Variants in BRD2 observed in about 807,000 individuals in gnomAD.
BRD2 encodes the protein bromodomain-containing protein 2.
BRD2 carries 15 observed loss-of-function variants against 79.1 expected under a neutral mutation model. The observed-to-expected ratio is 0.19, with a 90% CI of 0.13 to 0.29. The LOEUF is 0.29. Ranked by LOEUF, BRD2 falls within the 10% of genes least tolerant of loss-of-function variation. BRD2 has a pLI of 1.00. For synonymous variants in BRD2, 488 were observed against 358.6 expected (o/e 1.36, Z -4.08); for missense variants, 1,053 against 991.3 (o/e 1.06, Z -0.84).
rs534193544 is a variant in BRD2 at position 32,974,447 on chromosome 6, T to G, written c.30-15T>G. 1.3e-4 allele frequency: 200 copies of G among 1,594,068 alleles called. No individual in the cohort carries two copies. In the South Asian group the frequency reaches 2.1e-3, roughly 17 times the overall value. ...TTTGGACGATATTGCCCTAATTTTG[T>G]TCCCATCTTTACAGGCTCCCTGGGG... On this transcript the variant is annotated splice_polypyrimidine_tract_variant and intron_variant, in intron 2 of 12. Transcript: ENST00000374825.
At chr6:32,979,047 G>GTTTGTTT (rs763661490) in intron 10 of BRD2, 1 of 86,820 alleles carries the variant, frequency 1.2e-5, no homozygotes, top group Non-Finnish European at 2.9e-5. Context: ...TTTGTGTTTT[G>GTTTGTTT]TTTTTTTTTG....
At chr6:32,973,015 G>A (rs1778232919) in intron 2 of BRD2, 88 bp downstream of exon 2, 2 of 1,612,954 alleles carry the variant, frequency 1.2e-6, no homozygotes, top group African/African-American at 1.3e-5. Flanking sequence ...GTACTGAGCG[G>A]CCCCGGCGCG....
rs1210953681 is a variant in BRD2 at position 32,978,274 on chromosome 6, C to T, written c.1727C>T (p.Pro576Leu). The change falls in exon 10 of 13, where the codon CCT becomes CTT. Residue 576 changes from proline to leucine, a missense_variant. By Grantham distance (98) the Pro-to-Leu change is moderately conservative. Around this residue, in one of 5 missense-constraint regions of BRD2, gnomAD observed 454 missense variants for 430.5 expected, o/e 1.05. Transcript: ENST00000374825. ...RAGADEDDKG[P>L]RAPRPPQPKK... ...GGGGCCGATGAAGATGACAAGGGGC[C>T]TAGGGCACCCCGCCCACCTCAACCT... 3 of 1,613,020 alleles carry T rather than the reference C, an allele frequency of 1.9e-6. No homozygotes were observed. The highest frequency in any genetic ancestry group is 1.3e-5 in the African/African-American group (1 of 75,008).
chr6:32,973,008 C>T (rs920037101), intron 2 of BRD2, 81 bp downstream of exon 2: 6 of 1,613,208 alleles, frequency 3.7e-6, no homozygotes, highest in Admixed American at 1.7e-5. Context: ...GTTGGGAGTA[C>T]TGAGCGGCCC....
intron 4 of BRD2, 56 bp downstream of exon 4, chr6:32,975,577 T>A: frequency 6.3e-7 from 1 of 1,583,112 alleles, no homozygotes. Flanking sequence ...ACTTCTATTA[T>A]TGCTGGATAT....
chr6:32,978,243 C>T lies in BRD2; in HGVS notation c.1696C>T (p.Arg566Ter), dbSNP rs1779040470. The change falls in exon 10 of 13, where the codon CGA becomes TGA. Residue 566 changes from arginine to a stop codon, truncating the protein, a stop_gained. Transcript: ENST00000374825. LOFTEE classifies it high-confidence loss of function. ...KKRKAEKHRG[R>*]AGADEDDKGP... The stretch of plus-strand genomic sequence containing the variant: ...ACGGAAGGCAGAGAAGCATCGAGGC[C>T]GAGCTGGGGCCGATGAAGATGACAA... The T allele has an allele frequency of 6.2e-7, 1 of 1,612,936 alleles. No homozygotes were observed. Among genetic ancestry groups the T allele is most frequent in the Non-Finnish European group, 8.5e-7 (1 of 1,180,002 alleles).
At chr6:32,975,958 T>G in intron 4 of BRD2, 73 bp from the exon 5 acceptor site, 10 of 1,503,672 alleles carry the variant, frequency 6.7e-6, no homozygotes, top group South Asian at 1.3e-5. Flanking sequence ...TGAATGCCTC[T>G]GAGAAAGATG....
At chr6:32,975,301 T>C in intron 3 of BRD2, 83 bp from the exon 4 acceptor site, 1 of 1,149,140 alleles carries the variant, frequency 8.7e-7, no homozygotes, top group East Asian at 2.6e-5. Flanking sequence ...TGTGTGTGTG[T>C]GTGTGTGTGA....
chr6:32,972,847 G>T lies in BRD2; in HGVS notation c.-52G>T. 6.2e-7 allele frequency: 1 copy of T among 1,613,532 alleles called. No homozygotes were observed. The highest frequency in any genetic ancestry group is 8.5e-7 in the Non-Finnish European group (1 of 1,179,938). On this transcript the variant is annotated 5_prime_UTR_variant, in exon 2 of 13. In the 5' UTR this introduces an upstream ATG that the reference lacks. Transcript: ENST00000374825. Reference sequence around the variant, plus strand: ...TGGACCGGGCGGTGAGGGGAACCGAGGCCACCCGGACTTTCCGCGGCTGAG... The same window carrying T: ...TGGACCGGGCGGTGAGGGGAACCGATGCCACCCGGACTTTCCGCGGCTGAG...
chr6:32,979,818 T>C lies in BRD2; in HGVS notation c.1842-10T>C. On this transcript the variant is annotated splice_polypyrimidine_tract_variant and intron_variant, in intron 10 of 12. Coordinates refer to ENST00000374825, the MANE Select transcript of BRD2 (RefSeq NM_005104.4). ...AAGCTTCTTTTGCTGACAACTCTTT[T>C]TGCCCTTAGGCTCCCCAAAAAGGCC... 1 of 1,605,714 alleles carries C rather than the reference T, an allele frequency of 6.2e-7. No homozygotes were observed. Among genetic ancestry groups the C allele is most frequent in the Non-Finnish European group, 8.5e-7 (1 of 1,176,370 alleles).
In BRD2 at chr6:32,980,903, C is replaced by T. The variant is rs1779463832; in HGVS notation, c.*185C>T. On this transcript the variant is annotated 3_prime_UTR_variant, in exon 13 of 13. Coordinates refer to ENST00000374825, the MANE Select transcript of BRD2 (RefSeq NM_005104.4). ...ACATTTACTGAAGGAGGGACATGGACAAAACAACATTGAATTCCCAGCCCC... is the reference window on the plus strand; with the variant it reads ...ACATTTACTGAAGGAGGGACATGGATAAAACAACATTGAATTCCCAGCCCC... 1 of 686,682 alleles carries T rather than the reference C, an allele frequency of 1.5e-6. No homozygotes were observed. Among genetic ancestry groups the T allele is most frequent in the African/African-American group, 1.8e-5 (1 of 55,312 alleles). The allele number at this position is 686,682 out of a possible 1,614,324, so 42.5% of individuals were successfully genotyped here.
intron 1 of BRD2, chr6:32,971,155 T>A (rs2127498465): frequency 6.4e-6 from 1 of 156,900 alleles, no homozygotes; most frequent in Non-Finnish European, 1.4e-5. Flanking sequence ...GGACTTGCTT[T>A]TTCTGCTCTG....
intron 3 of BRD2, chr6:32,975,166 GA>G: frequency 1.4e-6 from 2 of 1,448,904 alleles, no homozygotes; most frequent in Non-Finnish European, 1.9e-6. Context: ...GGTGGTTAGA[GA>G]AAGGCAGCAG....
In BRD2 at chr6:32,972,105, G is replaced by T. The variant is rs1180759800; in HGVS notation, c.-794G>T. ...GTGAGCGAGCGCGCGCGCGCGGAGGGGGTGGGGAAAAGCTCAAGCAGGGTG... is the reference window on the plus strand; with the variant it reads ...GTGAGCGAGCGCGCGCGCGCGGAGGTGGTGGGGAAAAGCTCAAGCAGGGTG... On this transcript the variant is annotated 5_prime_UTR_variant, in exon 2 of 13. Coordinates refer to ENST00000374825, the MANE Select transcript of BRD2 (RefSeq NM_005104.4). 8.7e-6 allele frequency: 6 copies of T among 692,972 alleles called. No individual in the cohort carries two copies. Among genetic ancestry groups the T allele is most frequent in the South Asian group, 3.0e-5 (2 of 66,236 alleles). The allele number at this position is 692,972 out of a possible 1,614,324, so 42.9% of individuals were successfully genotyped here. A position where few individuals can be genotyped will look rare whatever the true frequency, so the allele number is the denominator to read the frequency against.
At chr6:32,978,597 G>T (rs939397937) in intron 10 of BRD2, 1 of 760,516 alleles carries the variant, frequency 1.3e-6, no homozygotes, top group South Asian at 1.9e-5. Context: ...TTTTTGGGAT[G>T]AAACTGTTCC....
intron 12 of BRD2, 27 bp from the exon 13 acceptor site, chr6:32,980,555 T>G: frequency 6.2e-7 from 1 of 1,612,990 alleles, no homozygotes; most frequent in Non-Finnish European, 8.5e-7. Flanking sequence ...GACTTGAACG[T>G]CTTTAACTTT....
rs144902184 is a variant in BRD2, at chr6:32,976,004, T to C, written c.472-27T>C. On this transcript the variant is annotated intron_variant, in intron 4 of 12. Coordinates refer to ENST00000374825, the MANE Select transcript of BRD2 (RefSeq NM_005104.4). ...ATCTTCTGTTGGCATTTTTTAACTT[T>C]CTTTATTGCTGTCTGTGTTCTCATA... is the stretch of plus-strand genomic sequence containing the variant. The C allele has an allele frequency of 4.5e-6, 7 of 1,572,892 alleles. No homozygotes were observed. The African/African-American group carries it at 6.9e-5, about 15-fold the overall frequency.
Position 32,977,906 on chromosome 6 carries a change from A to G in BRD2, c.1479A>G (p.Glu493=), listed in dbSNP as rs1778978174. Residue 493 remains glutamate (E), a synonymous_variant, in exon 9 of 13, where the codon GAA becomes GAG. Transcript: ENST00000374825. ...EESSSESSSE[E]EEEEDEEDEE... is the part of the protein sequence containing the mutation. Reference sequence around the variant, plus strand: ...GTAGCAGTGAGAGCTCCTCTGAGGAAGAGGAGGAGGAAGATGAGGAGGACG... The same window carrying G: ...GTAGCAGTGAGAGCTCCTCTGAGGAGGAGGAGGAGGAAGATGAGGAGGACG... The G allele has an allele frequency of 6.2e-7, 1 of 1,612,908 alleles. No homozygotes were observed. The highest frequency in any genetic ancestry group is 8.5e-7 in the Non-Finnish European group (1 of 1,179,896).
chr6:32,970,162 T>G (rs1414431276), intron 1 of BRD2: 1 of 152,494 alleles, frequency 6.6e-6, no homozygotes, highest in African/African-American at 2.4e-5. Context: ...TGTCCTGGCC[T>G]GCAGAGCCCC....
Sources: gnomAD v4.1 joint callset for allele counts on GRCh38, gnomAD v4.1.1 for gene constraint, gnomAD v4.1.1 regional missense constraint, MANE v1.5 for transcripts, NCBI Gene and HGNC (gene_info 2026-07-23, HGNC 2026-07-21) for gene names.